Variants in PRIM2 observed in about 807,000 individuals in gnomAD.
PRIM2 encodes DNA primase subunit 2, also known as DNA primase large subunit.
A neutral mutation model predicts 67.3 loss-of-function variants in PRIM2; 39 were observed. The observed-to-expected ratio is 0.58, with a 90% CI of 0.45 to 0.76. The LOEUF is 0.76. Among genes scored for constraint, PRIM2 ranks in the 30% least tolerant of loss-of-function variants. The probability of loss-of-function intolerance (pLI) is 0.00; values close to 1 mark genes in which losing one functional copy is unlikely to be tolerated. For missense variants in PRIM2, 398 were observed against 598.7 expected, an observed-to-expected ratio of 0.66 and a Z score of 3.50; for synonymous variants, 143 against 198.7, an observed-to-expected ratio of 0.72 and a Z score of 2.36.
chr6:57,637,285 T>TC lies in PRIM2; in HGVS notation c.1299+5085dup, dbSNP rs1186599404. 1.4e-3 allele frequency among the ~76,000 whole-genome samples: 210 copies of TC among 152,086 alleles called. 4 individuals carry two copies. The East Asian group carries it at 0.019, about 14-fold the overall frequency. On this transcript the variant is annotated intron_variant, in intron 13 of 13. Coordinates refer to ENST00000615550, the MANE Select transcript of PRIM2 (RefSeq NM_000947.5). ...ACATCAAAGACCAAAGGTAGATAAA[T>TC]CACAAAGACTGGGAGAAACCAGCGC...
intron 7 of PRIM2, among the ~76,000 whole-genome samples, chr6:57,500,418 A>G (rs1271380347): frequency 6.6e-6 from 1 of 152,240 alleles, no homozygotes; most frequent in Non-Finnish European, 1.5e-5. Context: ...CAGTGTCAAC[A>G]TATTGTCAAC....
At chr6:57,627,578 G>A (rs1776972992) in intron 12 of PRIM2, among the ~76,000 whole-genome samples, 2 of 151,750 alleles carry the variant, frequency 1.3e-5, no homozygotes, top group Admixed American at 1.3e-4. Context: ...TAGTAGACAT[G>A]GGGTTTCCCC....
chr6:57,595,804 C>T (rs1776355779), intron 10 of PRIM2, among the ~76,000 whole-genome samples: 1 of 152,152 alleles, frequency 6.6e-6, no homozygotes, highest in African/African-American at 2.4e-5. Context: ...TCTTCAGCAT[C>T]CCAGATGCTT....
At chr6:57,223,737 T>C in the PRIM2 span, among the ~76,000 whole-genome samples, 1 of 152,152 alleles carries the variant, frequency 6.6e-6, no homozygotes, top group Admixed American at 6.5e-5. Flanking sequence ...TCACTAATCA[T>C]GAGGGAAATG....
At chr6:57,430,296 T>A (rs9475948) in intron 7 of PRIM2, among the ~76,000 whole-genome samples, 75 of 152,290 alleles carry the variant, frequency 4.9e-4, no homozygotes, top group African/African-American at 1.8e-3. Flanking sequence ...AACTAATTGC[T>A]ACCCCTTTAC....
At chr6:57,250,088 A>G in the PRIM2 span, among the ~76,000 whole-genome samples, 1 of 152,250 alleles carries the variant, frequency 6.6e-6, no homozygotes, top group Non-Finnish European at 1.5e-5. Context: ...CGAATGGAAC[A>G]ATTGTTAGTT....
At chr6:57,348,535 T>C (rs1768751888) in intron 5 of PRIM2, among the ~76,000 whole-genome samples, 1 of 152,042 alleles carries the variant, frequency 6.6e-6, no homozygotes, top group South Asian at 2.1e-4. Context: ...TTCACAAGGA[T>C]GGCTTGTTGG....
At chr6:57,446,321 T>C (rs555016923) in intron 7 of PRIM2, among the ~76,000 whole-genome samples, 2 of 151,342 alleles carry the variant, frequency 1.3e-5, no homozygotes, top group African/African-American at 4.8e-5. Flanking sequence ...ATAGAAAACT[T>C]GCCTCAGAAT....
intron 7 of PRIM2, among the ~76,000 whole-genome samples, chr6:57,501,512 C>T (rs1554346882): frequency 6.6e-6 from 1 of 152,086 alleles, no homozygotes; most frequent in Non-Finnish European, 1.5e-5. Flanking sequence ...GTTGTCCAGG[C>T]TGGTTTCAAA....
At position 57,517,469 on chromosome 6, in the gene PRIM2, C is replaced by T. The variant is rs1332513885; in HGVS notation, c.761+10015C>T. On this transcript the variant is annotated intron_variant, in intron 8 of 13. Transcript: ENST00000615550. ...TAATCCAGTAGCCAATAGCCACTTA[C>T]GGCTATTGAGCATTTGAAACATGGC... is the stretch of plus-strand genomic sequence containing the variant. 2.0e-5 allele frequency among the ~76,000 whole-genome samples: 3 copies of T among 152,054 alleles called. No individual in the cohort carries two copies. The South Asian group carries it at 6.2e-4, about 32-fold the overall frequency.
intron 8 of PRIM2, among the ~76,000 whole-genome samples, chr6:57,519,336 G>A (rs1463646043): frequency 3.3e-4 from 51 of 152,288 alleles, no homozygotes; most frequent in Non-Finnish European, 5.7e-4. Flanking sequence ...ATAAGCCTGG[G>A]AGCGCTATGG....
At chr6:57,634,934 G>A (rs1167625236) in intron 13 of PRIM2, among the ~76,000 whole-genome samples, 72 of 152,152 alleles carry the variant, frequency 4.7e-4, no homozygotes, top group African/African-American at 1.7e-3. Flanking sequence ...ATCTCTCACT[G>A]TGGACTTTTA....
intron 7 of PRIM2, 63 bp from the exon 8 acceptor site, chr6:57,507,324 G>A: frequency 1.7e-6 from 2 of 1,157,396 alleles, no homozygotes; most frequent in Non-Finnish European, 2.4e-6. Flanking sequence ...TTTACATTTA[G>A]TATTCAAATA....
At chr6:57,402,944 G>A (rs1315862663) in intron 7 of PRIM2, among the ~76,000 whole-genome samples, 1 of 152,034 alleles carries the variant, frequency 6.6e-6, no homozygotes, top group Non-Finnish European at 1.5e-5. Flanking sequence ...TATTGTTGGA[G>A]ATGTGTTTTA....
the PRIM2 span, among the ~76,000 whole-genome samples, chr6:57,243,919 A>T: frequency 1.1e-4 from 17 of 152,244 alleles, no homozygotes; most frequent in Non-Finnish European, 1.9e-4. Context: ...CTGTAGCTTT[A>T]ATTATACCTG....
the PRIM2 span, among the ~76,000 whole-genome samples, chr6:57,227,566 C>G: frequency 6.7e-6 from 1 of 149,510 alleles, no homozygotes; most frequent in Non-Finnish European, 1.5e-5. Flanking sequence ...ATTGCTTGAA[C>G]CCGGGAGATG....
intron 8 of PRIM2, among the ~76,000 whole-genome samples, chr6:57,528,954 A>G (rs1287645709): frequency 6.6e-6 from 1 of 152,196 alleles, no homozygotes; most frequent in Non-Finnish European, 1.5e-5. Flanking sequence ...CATTTTACAA[A>G]TAAGGATGAT....
At chr6:57,349,337 A>C (rs537767437) in intron 5 of PRIM2, among the ~76,000 whole-genome samples, 1 of 150,902 alleles carries the variant, frequency 6.6e-6, no homozygotes, top group Non-Finnish European at 1.5e-5. Context: ...GTCAGTTTGC[A>C]TTGGTAGGTG....
intron 8 of PRIM2, among the ~76,000 whole-genome samples, chr6:57,525,609 CAACATTCTAAT>C (rs1298497958): frequency 1.3e-5 from 2 of 152,170 alleles, no homozygotes; most frequent in Non-Finnish European, 2.9e-5. Flanking sequence ...GGCATTTCAA[CAACATTCTAAT>C]AACATTCTAG....
Sources: gnomAD v4.1 joint callset for allele counts (sites outside exome capture counted in the v4.1 genomes callset) on GRCh38, gnomAD v4.1.1 for gene constraint, MANE v1.5 for transcripts, NCBI Gene and HGNC (gene_info 2026-07-23, HGNC 2026-07-21) for gene names.